The following IRAK2 variants were observed in gnomAD, a reference collection of about 807,000 sequenced individuals.
IRAK2 encodes interleukin 1 receptor associated kinase 2, also known as interleukin-1 receptor-associated kinase-like 2.
In IRAK2, 57 loss-of-function variants were observed where a neutral mutation model predicts 72.0. The ratio of observed to expected loss-of-function variants is 0.79; its 90% CI spans 0.64 to 0.99. The LOEUF (loss-of-function observed/expected upper bound fraction) is 0.99. Ranked by LOEUF, IRAK2 falls within the 50% of genes least tolerant of loss-of-function variation. The probability of loss-of-function intolerance (pLI) is 0.00; values close to 1 mark genes in which losing one functional copy is unlikely to be tolerated. For missense variants in IRAK2, 790 were observed against 794.4 expected, an observed-to-expected ratio of 0.99 and a Z score of 0.07; for synonymous variants, 293 against 312.7, an observed-to-expected ratio of 0.94 and a Z score of 0.67.
intron 11 of IRAK2, among the ~76,000 whole-genome samples, chr3:10,235,610 G>A: frequency 6.6e-6 from 1 of 152,162 alleles, no homozygotes; most frequent in East Asian, 1.9e-4. Context: ...GGGGTTGGGG[G>A]AGGTGCAGGC....
chr3:10,222,009 T>C (rs771568149), intron 8 of IRAK2, among the ~76,000 whole-genome samples: 34 of 152,170 alleles, frequency 2.2e-4, no homozygotes, highest in Non-Finnish European at 3.5e-4. Context: ...TGCCTCAGCC[T>C]CCTGAGTAGC....
intron 10 of IRAK2, 50 bp from the exon 11 acceptor site, chr3:10,234,409 C>T: frequency 1.9e-6 from 3 of 1,540,764 alleles, no homozygotes; most frequent in Non-Finnish European, 9.0e-7. Flanking sequence ...TGCGTTGGCT[C>T]TCGCAGCTCT....
chr3:10,188,532 T>G (rs1289787283), intron 2 of IRAK2, among the ~76,000 whole-genome samples: 1 of 151,144 alleles, frequency 6.6e-6, no homozygotes, highest in East Asian at 1.9e-4. Flanking sequence ...ATTTATGTAT[T>G]TATTTATTTT....
At chr3:10,170,226 G>T (rs1203375862) in intron 1 of IRAK2, among the ~76,000 whole-genome samples, 1 of 152,156 alleles carries the variant, frequency 6.6e-6, no homozygotes, top group Non-Finnish European at 1.5e-5. Context: ...TGTGACTTCT[G>T]CTTCTACCAT....
intron 2 of IRAK2, among the ~76,000 whole-genome samples, chr3:10,198,060 G>A (rs773567786): frequency 9.9e-5 from 15 of 151,788 alleles, no homozygotes; most frequent in Non-Finnish European, 1.8e-4. Flanking sequence ...TTAGCCGGGC[G>A]TGCTGGTGGG....
intron 1 of IRAK2, among the ~76,000 whole-genome samples, chr3:10,175,975 A>T (rs2125141597): frequency 6.7e-6 from 1 of 148,428 alleles, no homozygotes; most frequent in East Asian, 2.0e-4. Flanking sequence ...ACATCTATGT[A>T]GAGGGGGTGA....
rs538376599 is a variant in IRAK2, at chr3:10,195,440, G to T, written c.278-4929G>T. Among the ~76,000 whole-genome samples, 7 of 152,136 alleles carry T rather than the reference G, an allele frequency of 4.6e-5. No homozygotes were observed. In the South Asian group the frequency reaches 1.2e-3, roughly 27 times the overall value. ...GCGTGGTGTTGCCTGTAATCCCAGCGGCATGGGAGGCTAAGAGAGGAGGAT... is the reference window on the plus strand; with the variant it reads ...GCGTGGTGTTGCCTGTAATCCCAGCTGCATGGGAGGCTAAGAGAGGAGGAT... On this transcript the variant is annotated intron_variant, in intron 2 of 12. Coordinates refer to ENST00000256458, the MANE Select transcript of IRAK2 (RefSeq NM_001570.4).
chr3:10,196,985 AT>A (rs899513699), intron 2 of IRAK2, among the ~76,000 whole-genome samples: 1 of 152,026 alleles, frequency 6.6e-6, no homozygotes, highest in South Asian at 2.1e-4. Flanking sequence ...TTGCTAACTG[AT>A]TTTTTTTAAA....
At chr3:10,227,675 G>GTTTTTT (rs561705376) in intron 10 of IRAK2, among the ~76,000 whole-genome samples, 2 of 147,414 alleles carry the variant, frequency 1.4e-5, no homozygotes, top group African/African-American at 2.5e-5. Context: ...TTTTTTTTTT[G>GTTTTTT]TTTTTGTTTT....
chr3:10,165,336 T>A (rs1436443869), intron 1 of IRAK2, among the ~76,000 whole-genome samples: 1 of 152,066 alleles, frequency 6.6e-6, no homozygotes, highest in Non-Finnish European at 1.5e-5. Context: ...GCTGGCTCGG[T>A]GACGTCCCCA....
intron 2 of IRAK2, among the ~76,000 whole-genome samples, chr3:10,187,598 G>C (rs375460785): frequency 1.3e-5 from 2 of 151,844 alleles, no homozygotes; most frequent in Admixed American, 6.6e-5. Flanking sequence ...AACTAAACTC[G>C]GGAAACCCCG....
In IRAK2 at chr3:10,233,836, T is replaced by G. The variant is rs1213189972; in HGVS notation, c.1273-623T>G. Among the ~76,000 whole-genome samples the G allele has an allele frequency of 2.6e-5, 4 of 152,284 alleles. No individual in the cohort carries two copies. In the East Asian group the frequency reaches 5.8e-4, roughly 22 times the overall value. The stretch of plus-strand genomic sequence containing the variant: ...GCACTGTTTCATTGAATGGTTGTGT[T>G]AGTCCTAGGTGTAGGTATTTTATTA... On this transcript the variant is annotated intron_variant, in intron 10 of 12. Transcript: ENST00000256458.
At chr3:10,192,188 G>T (rs1697186947) in intron 2 of IRAK2, among the ~76,000 whole-genome samples, 1 of 152,222 alleles carries the variant, frequency 6.6e-6, no homozygotes, top group Non-Finnish European at 1.5e-5. Context: ...GGGTGCTTTA[G>T]TTATAGCTGA....
At chr3:10,234,698 G>A (rs1452652121) in intron 11 of IRAK2, 39 bp downstream of exon 11, 10 of 1,571,454 alleles carry the variant, frequency 6.4e-6, no homozygotes, top group Admixed American at 3.4e-5. Flanking sequence ...CCTGGGCCAC[G>A]CGTGGGTCCA....
intron 1 of IRAK2, among the ~76,000 whole-genome samples, chr3:10,175,241 C>T (rs2125141258): frequency 6.6e-6 from 1 of 152,332 alleles, no homozygotes; most frequent in South Asian, 2.1e-4. Context: ...TCTCCTACCT[C>T]AGCCTCCCGA....
chr3:10,229,084 T>C (rs952838060), intron 10 of IRAK2, among the ~76,000 whole-genome samples: 3 of 151,828 alleles, frequency 2.0e-5, no homozygotes, highest in African/African-American at 7.3e-5. Flanking sequence ...CAGGTGCGCA[T>C]CACCACACCC....
In IRAK2 at chr3:10,179,724, G is replaced by A. The variant is rs774131384; in HGVS notation, c.277+1704G>A. On this transcript the variant is annotated intron_variant, in intron 2 of 12. Coordinates refer to ENST00000256458, the MANE Select transcript of IRAK2 (RefSeq NM_001570.4). ...GCTGGGATTATAGGTGTGAGCCACC[G>A]TGCCCAGTCAACTTTTTGTAGTTTT... 4.0e-5 allele frequency among the ~76,000 whole-genome samples: 6 copies of A among 151,416 alleles called. No individual in the cohort carries two copies. In the South Asian group the frequency reaches 1.0e-3, roughly 26 times the overall value.
chr3:10,228,079 C>G (rs985079191), intron 10 of IRAK2, among the ~76,000 whole-genome samples: 8 of 152,174 alleles, frequency 5.3e-5, no homozygotes, highest in Non-Finnish European at 1.2e-4. Context: ...TCTCACGCCC[C>G]TCAGTGAGAC....
At chr3:10,204,349 C>T (rs182525459) in intron 3 of IRAK2, among the ~76,000 whole-genome samples, 5 of 152,254 alleles carry the variant, frequency 3.3e-5, no homozygotes, top group African/African-American at 4.8e-5. Context: ...GGGGTAGACC[C>T]GCTGCCAGCA....
Sources: gnomAD v4.1 joint callset for allele counts (sites outside exome capture counted in the v4.1 genomes callset) on GRCh38, gnomAD v4.1.1 for gene constraint, MANE v1.5 for transcripts, NCBI Gene and HGNC (gene_info 2026-07-23, HGNC 2026-07-21) for gene names.